ADD3: variants seen among roughly 807,000 people sequenced by gnomAD.
ADD3 encodes the protein gamma-adducin.
ADD3 carries 25 observed loss-of-function variants against 80.2 expected under a neutral mutation model. The observed-to-expected ratio is 0.31, with a 90% CI of 0.23 to 0.44. The LOEUF (loss-of-function observed/expected upper bound fraction) is 0.44, where lower values mean the gene tolerates loss of function less well. Ranked by LOEUF, ADD3 falls within the 20% of genes least tolerant of loss-of-function variation. The pLI is 1.00. For missense variants in ADD3, 829 were observed against 847.5 expected (o/e 0.98, Z 0.27); for synonymous variants, 284 against 289.6 (o/e 0.98, Z 0.20).
At chr10:110,044,867 T>C (rs1856753395) in intron 1 of ADD3, among the ~76,000 whole-genome samples, 1 of 152,240 alleles carries the variant, frequency 6.6e-6, no homozygotes, top group African/African-American at 2.4e-5. Flanking sequence ...TGTATAACTA[T>C]GCATAGTCAG....
rs1853365412 is a variant in ADD3, at chr10:110,133,719, G to A, written c.*101G>A. 3.0e-6 allele frequency: 3 copies of A among 1,002,044 alleles called. No homozygotes were observed. The Admixed American group carries it at 9.4e-5, about 31-fold the overall frequency. The allele number at this position is 1,002,044 out of a possible 1,614,324, so 62.1% of individuals were successfully genotyped here. ...ATATGCAATGGTAGATCAGATTGGG[G>A]GATGTAGCAAACTGGACTTTAAGAA... On this transcript the variant is annotated 3_prime_UTR_variant, in exon 15 of 15. Coordinates refer to ENST00000356080, the MANE Select transcript of ADD3 (RefSeq NM_016824.5).
chr10:110,023,338 G>C (rs1052513888), intron 1 of ADD3, among the ~76,000 whole-genome samples: 5 of 152,304 alleles, frequency 3.3e-5, no homozygotes, highest in Non-Finnish European at 7.4e-5. Flanking sequence ...ACCAGACACT[G>C]AGTCTGCCAG....
chr10:110,123,092 A>G (rs73352924), intron 9 of ADD3, among the ~76,000 whole-genome samples: 10,218 of 152,254 alleles, frequency 0.067, 578 homozygotes, highest in African/African-American at 0.15. Context: ...ATTATGTTGT[A>G]TATACCACAT....
intron 1 of ADD3, among the ~76,000 whole-genome samples, chr10:110,053,714 A>G (rs1251384654): frequency 1.3e-5 from 2 of 152,176 alleles, no homozygotes; most frequent in African/African-American, 4.8e-5. Flanking sequence ...GTTCTCATCA[A>G]TAGGTAAAAT....
chr10:110,043,584 A>G (rs1301661230), intron 1 of ADD3, among the ~76,000 whole-genome samples: 1 of 152,186 alleles, frequency 6.6e-6, no homozygotes, highest in Non-Finnish European at 1.5e-5. Flanking sequence ...CATTTTTTCC[A>G]CTGCATAAGT....
intron 2 of ADD3, among the ~76,000 whole-genome samples, chr10:110,109,362 T>G (rs1223107629): frequency 6.6e-6 from 1 of 152,234 alleles, no homozygotes; most frequent in Non-Finnish European, 1.5e-5. Context: ...TCACTTTGTA[T>G]CTTAACCTCA....
chr10:110,063,869 C>T (rs1389512331), intron 1 of ADD3, among the ~76,000 whole-genome samples: 1 of 149,008 alleles, frequency 6.7e-6, no homozygotes, highest in African/African-American at 2.5e-5. Context: ...TTTCTCCTCT[C>T]TCTGCAAGGC....
chr10:110,082,854 A>G (rs1182123243), intron 1 of ADD3, among the ~76,000 whole-genome samples: 1 of 152,176 alleles, frequency 6.6e-6, no homozygotes, highest in African/African-American at 2.4e-5. Flanking sequence ...AGCTTAAGAC[A>G]TTTCATATTC....
intron 12 of ADD3, among the ~76,000 whole-genome samples, chr10:110,127,536 G>A (rs1214239749): frequency 3.9e-5 from 6 of 152,182 alleles, no homozygotes; most frequent in Admixed American, 2.0e-4. Flanking sequence ...AGAATCACTC[G>A]AACCCGGGAG....
upstream of ADD3, chr10:110,007,823 G>GGCCGGGAGGCTTCGGA (rs1176072476): frequency 5.3e-5 from 8 of 151,376 alleles, no homozygotes; most frequent in Non-Finnish European, 5.9e-5. Context: ...GAGGAGGCGG[G>GGCCGGGAGGCTTCGGA]GCCGGGAGGC....
chr10:110,041,130 A>G (rs1026565321), intron 1 of ADD3, among the ~76,000 whole-genome samples: 6 of 152,200 alleles, frequency 3.9e-5, no homozygotes, highest in African/African-American at 1.4e-4. Context: ...ACATTTGAAG[A>G]TTGAGATACT....
intron 1 of ADD3, among the ~76,000 whole-genome samples, chr10:110,057,636 A>G (rs1357836321): frequency 6.6e-6 from 1 of 152,178 alleles, no homozygotes; most frequent in African/African-American, 2.4e-5. Flanking sequence ...TCTAATTTGC[A>G]GTAAAGTTTG....
intron 1 of ADD3, among the ~76,000 whole-genome samples, chr10:110,012,796 A>G (rs1050000913): frequency 2.0e-5 from 3 of 151,358 alleles, no homozygotes; most frequent in African/African-American, 7.3e-5. Context: ...GACAGCTCTC[A>G]CTATGTTGCC....
chr10:110,101,092 T>C (rs1357141077), intron 2 of ADD3, among the ~76,000 whole-genome samples: 1 of 152,176 alleles, frequency 6.6e-6, no homozygotes. Context: ...GGTATAGCAC[T>C]TTATTAAAGG....
chr10:110,131,464 G>A (rs1852978655), intron 13 of ADD3, among the ~76,000 whole-genome samples: 1 of 152,182 alleles, frequency 6.6e-6, no homozygotes, highest in African/African-American at 2.4e-5. Flanking sequence ...AGGGTAAGGA[G>A]CCTCTGCTTT....
intron 8 of ADD3, 103 bp downstream of exon 8, chr10:110,119,667 C>G: frequency 1.0e-6 from 1 of 968,126 alleles, no homozygotes; most frequent in South Asian, 1.6e-5. Flanking sequence ...GGCTTTTTGT[C>G]TTTTAAGAGA....
At chr10:110,121,484 C>CAATAAATA (rs999962822) in intron 8 of ADD3, among the ~76,000 whole-genome samples, 1 of 151,482 alleles carries the variant, frequency 6.6e-6, no homozygotes, top group South Asian at 2.1e-4. Context: ...ACTCAGTCCT[C>CAATAAATA]AATAAATAAA....
chr10:110,037,313 A>G (rs1855775798), intron 1 of ADD3, among the ~76,000 whole-genome samples: 2 of 152,154 alleles, frequency 1.3e-5, no homozygotes, highest in African/African-American at 4.8e-5. Flanking sequence ...TCAGCTTCTT[A>G]AGTTGTATAG....
chr10:110,048,606 T>C (rs1857154565), intron 1 of ADD3, among the ~76,000 whole-genome samples: 1 of 152,202 alleles, frequency 6.6e-6, no homozygotes, highest in Non-Finnish European at 1.5e-5. Flanking sequence ...TTCTGTGTTT[T>C]AGCAAAGAGA....
Sources: allele counts gnomAD v4.1 joint callset (sites outside exome capture counted in the v4.1 genomes callset), GRCh38; gene constraint gnomAD v4.1.1; transcripts MANE v1.5; gene names NCBI Gene and HGNC (gene_info 2026-07-23, HGNC 2026-07-21).